PIAS2: variants seen among roughly 807,000 people sequenced by gnomAD.
PIAS2 encodes E3 SUMO-protein ligase PIAS2.
PIAS2 carries 19 observed loss-of-function variants against 69.7 expected under a neutral mutation model. The ratio of observed to expected loss-of-function variants is 0.27; its 90% confidence interval spans 0.19 to 0.40. The LOEUF (loss-of-function observed/expected upper bound fraction) is 0.40. Among genes scored for constraint, PIAS2 ranks in the 10% least tolerant of loss-of-function variants. The pLI is 1.00. For synonymous variants in PIAS2, 261 were observed against 263.2 expected, an observed-to-expected ratio of 0.99 and a Z score of 0.08; for missense variants, 624 against 757.0, an observed-to-expected ratio of 0.82 and a Z score of 2.06.
intron 2 of PIAS2, among the ~76,000 whole-genome samples, chr18:46,877,831 A>C (rs2051495917): frequency 6.6e-6 from 1 of 152,180 alleles, no homozygotes; most frequent in South Asian, 2.1e-4. Flanking sequence ...CCTTCGTTTG[A>C]GTACTCATTT....
intron 2 of PIAS2, among the ~76,000 whole-genome samples, chr18:46,870,381 C>G (rs994451774): frequency 1.3e-5 from 2 of 151,954 alleles, no homozygotes; most frequent in African/African-American, 2.4e-5. Flanking sequence ...TCTGGGAGGC[C>G]GAGGCAGGTG....
At chr18:46,814,608 G>A (rs1480437233) in intron 13 of PIAS2, among the ~76,000 whole-genome samples, 4 of 152,120 alleles carry the variant, frequency 2.6e-5, no homozygotes, top group Admixed American at 2.6e-4. Context: ...TGACTGAGCA[G>A]CCCATGAAGC....
chr18:46,813,348 C>T (rs903770430), intron 13 of PIAS2, among the ~76,000 whole-genome samples: 1 of 152,186 alleles, frequency 6.6e-6, no homozygotes, highest in Non-Finnish European at 1.5e-5. Context: ...ATCCTGGTTA[C>T]TGATCCCATT....
chr18:46,850,865 G>A (rs11874423), intron 5 of PIAS2, among the ~76,000 whole-genome samples: 8,806 of 152,234 alleles, frequency 0.058, 303 homozygotes, highest in Non-Finnish European at 0.081. Context: ...TCAACAGCTG[G>A]TCACCTTGAA....
chr18:46,912,232 T>C (rs914920434), intron 1 of PIAS2, among the ~76,000 whole-genome samples: 2 of 152,226 alleles, frequency 1.3e-5, no homozygotes, highest in Non-Finnish European at 2.9e-5. Context: ...CAGGGTCCCC[T>C]GCAGATACCA....
chr18:46,824,560 G>A (rs1369412727), intron 11 of PIAS2, among the ~76,000 whole-genome samples: 9 of 152,056 alleles, frequency 5.9e-5, no homozygotes, highest in Non-Finnish European at 8.8e-5. Context: ...TAAAGACTCC[G>A]GTTCGTAAGC....
intron 8 of PIAS2, among the ~76,000 whole-genome samples, chr18:46,839,814 G>A (rs538788094): frequency 6.7e-5 from 10 of 149,004 alleles, no homozygotes; most frequent in Non-Finnish European, 1.3e-4. Flanking sequence ...GCAGTAAGCC[G>A]AGATCATACC....
intron 10 of PIAS2, among the ~76,000 whole-genome samples, chr18:46,829,304 A>G (rs2043253129): frequency 6.6e-6 from 1 of 152,202 alleles, no homozygotes; most frequent in South Asian, 2.1e-4. Context: ...CAATTTGTTT[A>G]CTTTCTGAGC....
intron 1 of PIAS2, among the ~76,000 whole-genome samples, chr18:46,896,986 T>A (rs867986658): frequency 6.6e-6 from 1 of 152,180 alleles, no homozygotes; most frequent in Non-Finnish European, 1.5e-5. Flanking sequence ...TGGGGACATA[T>A]ATGACAAAAG....
chr18:46,907,215 C>T (rs983791759), intron 1 of PIAS2, among the ~76,000 whole-genome samples: 5 of 152,152 alleles, frequency 3.3e-5, no homozygotes, highest in African/African-American at 1.2e-4. Context: ...TAATGAACTC[C>T]TACGAATCAG....
At chr18:46,816,012 C>T (rs751733459) in intron 12 of PIAS2, 6 of 984,036 alleles carry the variant, frequency 6.1e-6, no homozygotes, top group African/African-American at 3.5e-5. Flanking sequence ...ATACTTTTGA[C>T]ATATTCAAGT....
intron 6 of PIAS2, 115 bp from the exon 7 acceptor site, chr18:46,844,954 C>A: frequency 2.2e-6 from 1 of 459,278 alleles, no homozygotes; most frequent in South Asian, 5.3e-5. Flanking sequence ...AAAATAACTT[C>A]CATGGAATGG....
intron 1 of PIAS2, among the ~76,000 whole-genome samples, chr18:46,892,032 G>A (rs560357517): frequency 6.6e-6 from 1 of 152,044 alleles, no homozygotes; most frequent in Non-Finnish European, 1.5e-5. Flanking sequence ...ACCTACCCAG[G>A]AGAACTACCT....
intron 3 of PIAS2, among the ~76,000 whole-genome samples, chr18:46,855,922 C>T (rs950420572): frequency 1.3e-5 from 2 of 150,084 alleles, no homozygotes; most frequent in Non-Finnish European, 3.0e-5. Flanking sequence ...AGCCTAAGTT[C>T]GGAAAGAGTT....
chr18:46,908,778 G>A (rs575268425), intron 1 of PIAS2, among the ~76,000 whole-genome samples: 2 of 152,296 alleles, frequency 1.3e-5, no homozygotes, highest in East Asian at 3.9e-4. Flanking sequence ...GGAGACCAAG[G>A]TGGGCAGATC....
intron 11 of PIAS2, among the ~76,000 whole-genome samples, chr18:46,821,493 C>G (rs1228635517): frequency 6.6e-6 from 1 of 152,146 alleles, no homozygotes; most frequent in Non-Finnish European, 1.5e-5. Context: ...AGAAGTGAAG[C>G]TACTCACTGT....
intron 10 of PIAS2, 140 bp downstream of exon 10, chr18:46,829,594 A>C (rs2043300454): frequency 1.4e-6 from 1 of 701,786 alleles, no homozygotes. Context: ...AAGAATAAAA[A>C]TCATTTGGGG....
At chr18:46,862,050 T>C (rs550298343) in intron 3 of PIAS2, among the ~76,000 whole-genome samples, 2 of 152,232 alleles carry the variant, frequency 1.3e-5, no homozygotes, top group South Asian at 4.2e-4. Flanking sequence ...AAAGTTTTTA[T>C]GCCGGGCATG....
At position 46,811,640 on chromosome 18, in the gene PIAS2, G is replaced by A. The variant is rs952733382; in HGVS notation, c.*793C>T. 5.9e-5 allele frequency: 9 copies of A among 152,074 alleles called. No homozygotes were observed. The highest frequency in any genetic ancestry group is 1.3e-4 in the Non-Finnish European group (9 of 68,014). 9.4% of individuals were successfully genotyped at this position (152,074 alleles called of 1,614,324 possible). A position where few individuals can be genotyped will look rare whatever the true frequency, so the allele number is the denominator to read the frequency against. ...TGAGAAGGCAAGCCTCAAATTTATA[G>A]AAAACTCTAGAATGAAAAATGTACA... On this transcript the variant is annotated 3_prime_UTR_variant, in exon 14 of 14. Coordinates refer to ENST00000585916, the MANE Select transcript of PIAS2 (RefSeq NM_004671.5).
Sources: gnomAD v4.1 joint callset for allele counts (sites outside exome capture counted in the v4.1 genomes callset) on GRCh38, gnomAD v4.1.1 for gene constraint, MANE v1.5 for transcripts, NCBI Gene and HGNC (gene_info 2026-07-23, HGNC 2026-07-21) for gene names.